The following PRKX variants were observed in gnomAD, a reference collection of about 807,000 sequenced individuals.
PRKX encodes the protein protein kinase cAMP-dependent X-linked catalytic subunit.
PRKX carries 12 observed loss-of-function variants against 22.0 expected under a neutral mutation model. The observed-to-expected ratio is 0.54, with a 90% confidence interval of 0.35 to 0.88. The LOEUF (loss-of-function observed/expected upper bound fraction) is 0.88, where lower values mean the gene tolerates loss of function less well. Ranked by LOEUF, PRKX falls within the 40% of genes least tolerant of loss-of-function variation. The pLI, the probability that PRKX is intolerant of heterozygous loss-of-function variation, is 0.01. For missense variants in PRKX, 217 were observed against 308.0 expected (o/e 0.70, Z 2.21); for synonymous variants, 134 against 137.7 (o/e 0.97, Z 0.19).
At chrX:3,666,284 A>G (rs2074905158) in intron 2 of PRKX, among the ~76,000 whole-genome samples, 1 of 107,682 alleles carries the variant, frequency 9.3e-6, no homozygotes, top group South Asian at 4.2e-4. Flanking sequence ...CCTCCCAAGT[A>G]GCTGAGGACT....
rs1021563384 is a variant in PRKX at position 3,693,665 on chromosome X, C to T, written c.167-18899G>A. On this transcript the variant is annotated intron_variant, in intron 1 of 8. Coordinates refer to ENST00000262848, the MANE Select transcript of PRKX (RefSeq NM_005044.5). The stretch of plus-strand genomic sequence containing the variant: ...AAAATAGGGTTTTTGAGGCCGGGCG[C>T]GGTGGCTCACGCCTGTAATCCCAGC... 6.5e-4 allele frequency among the ~76,000 whole-genome samples: 72 copies of T among 110,878 alleles called. 1 individual carries two copies. Among genetic ancestry groups the T allele is most frequent in the African/African-American group, 1.7e-3 (52 of 30,494 alleles).
At chrX:3,702,078 A>G (rs1362160337) in intron 1 of PRKX, among the ~76,000 whole-genome samples, 1 of 111,917 alleles carries the variant, frequency 8.9e-6, no homozygotes, top group Non-Finnish European at 1.9e-5. Context: ...TTTCTTGCAC[A>G]AGATCCAAGA....
chrX:3,617,105 C>G (rs1373506114), intron 6 of PRKX, among the ~76,000 whole-genome samples: 1 of 108,148 alleles, frequency 9.2e-6, no homozygotes, highest in African/African-American at 3.4e-5. Context: ...TACTTATACA[C>G]ATATACACGT....
At chrX:3,696,468 C>T (rs1928444343) in intron 1 of PRKX, among the ~76,000 whole-genome samples, 1 of 112,249 alleles carries the variant, frequency 8.9e-6, no homozygotes, top group Non-Finnish European at 1.9e-5. Flanking sequence ...TAGCCTACAA[C>T]TGGGCAAAAT....
chrX:3,640,959 C>T (rs1480806698), intron 4 of PRKX, among the ~76,000 whole-genome samples: 2 of 111,398 alleles, frequency 1.8e-5, no homozygotes, highest in Non-Finnish European at 3.8e-5. Flanking sequence ...ATGACAAGGT[C>T]AGGATGTTAC....
intron 1 of PRKX, among the ~76,000 whole-genome samples, chrX:3,712,496 G>T (rs1182554249): frequency 8.9e-6 from 1 of 112,267 alleles, no homozygotes; most frequent in Admixed American, 9.4e-5. Flanking sequence ...CCATTTCAGA[G>T]GCACAAGACG....
chrX:3,617,593 C>G (rs1926457010), intron 6 of PRKX, among the ~76,000 whole-genome samples: 1 of 110,410 alleles, frequency 9.1e-6, no homozygotes, highest in Non-Finnish European at 1.9e-5. Context: ...CTGCAGTGAG[C>G]TGTGATCGCA....
intron 5 of PRKX, among the ~76,000 whole-genome samples, chrX:3,623,738 A>G (rs1351101565): frequency 9.0e-6 from 1 of 110,890 alleles, no homozygotes; most frequent in Non-Finnish European, 1.9e-5. Context: ...CACTCTTTTG[A>G]TGCACTGTAG....
Position 3,612,262 on chromosome X carries a change from T to G in PRKX, c.1015A>C (p.Asn339His). The change falls in exon 8 of 9, where the codon AAT becomes CAT. Residue 339 changes from asparagine to histidine, a missense_variant. By Grantham distance (68) the Asn-to-His change is moderately conservative. Coordinates refer to ENST00000262848, the MANE Select transcript of PRKX (RefSeq NM_005044.5). ...DTSNFETYPENDWDTAAPVPQ... is the reference protein window; with the variant it reads ...DTSNFETYPEHDWDTAAPVPQ... ...ACGGGCGCGGCTGTGTCCCAGTCATTCTCAGGGTAAGTTTCGAAGTTGGAA... is the reference window on the plus strand; with the variant it reads ...ACGGGCGCGGCTGTGTCCCAGTCATGCTCAGGGTAAGTTTCGAAGTTGGAA... 8.3e-7 allele frequency: 1 copy of G among 1,210,877 alleles called. No individual in the cohort carries two copies. Among genetic ancestry groups the G allele is most frequent in the Non-Finnish European group, 1.1e-6 (1 of 895,226 alleles).
intron 1 of PRKX, among the ~76,000 whole-genome samples, chrX:3,680,594 G>T (rs6641601): frequency 0.12 from 13,137 of 112,068 alleles, 821 homozygotes; most frequent in East Asian, 0.41. Flanking sequence ...ATGTGTAACT[G>T]TAAACATACA....
intron 6 of PRKX, among the ~76,000 whole-genome samples, chrX:3,617,963 G>A (rs1294114690): frequency 9.3e-6 from 1 of 106,962 alleles, no homozygotes; most frequent in Non-Finnish European, 1.9e-5. Context: ...TGGGGGGGCG[G>A]GGCAATGGAC....
At position 3,713,192 on chromosome X, in the gene PRKX, T is replaced by C. The variant is rs1470074155; in HGVS notation, c.62A>G (p.Glu21Gly). Reference protein sequence around the residue: ...AAESDSRKVAEETPDGAPALC... With the variant: ...AAESDSRKVAGETPDGAPALC... The stretch of plus-strand genomic sequence containing the variant: ...CGCGGGCGCCCCGTCGGGGGTCTCC[T>C]CCGCCACCTTGCGGGAGTCGCTCTC... Residue 21 changes from glutamate to glycine, a missense_variant, in exon 1 of 9, where the codon GAG becomes GGG. Transcript: ENST00000262848. 5.4e-6 allele frequency: 6 copies of C among 1,102,346 alleles called. No individual in the cohort carries two copies. The African/African-American group carries it at 7.8e-5, about 14-fold the overall frequency. The allele number at this position is 1,102,346 out of a possible 1,213,427, so 90.8% of individuals were successfully genotyped here.
intron 8 of PRKX, among the ~76,000 whole-genome samples, chrX:3,609,310 G>A (rs1404541469): frequency 6.3e-5 from 7 of 110,923 alleles, no homozygotes; most frequent in South Asian, 3.8e-4. Context: ...ACAGGTGCCC[G>A]CCACCACGCC....
intron 3 of PRKX, among the ~76,000 whole-genome samples, chrX:3,653,235 G>A (rs1412935840): frequency 9.1e-6 from 1 of 110,453 alleles, no homozygotes; most frequent in African/African-American, 3.3e-5. Flanking sequence ...TTACAAAAGG[G>A]GCCCCAGAGA....
intron 2 of PRKX, among the ~76,000 whole-genome samples, chrX:3,660,132 G>A (rs1027863093): frequency 8.9e-6 from 1 of 112,190 alleles, no homozygotes; most frequent in Non-Finnish European, 1.9e-5. Context: ...TTGTGGATGA[G>A]CTTAGAAGAC....
chrX:3,643,004 CAAAAAAAAAAA>C (rs60090711), intron 3 of PRKX, among the ~76,000 whole-genome samples: 1 of 27,560 alleles, frequency 3.6e-5, no homozygotes. Flanking sequence ...GACTCTCTCT[CAAAAAAAAAAA>C]AAAAAAAAAA....
chrX:3,666,069 G>A (rs183323189), intron 2 of PRKX, among the ~76,000 whole-genome samples: 83 of 107,833 alleles, frequency 7.7e-4, no homozygotes, highest in African/African-American at 2.6e-3. Context: ...AGAGTGCAGC[G>A]ACACAATCTC....
At position 3,605,059 on chromosome X, in the gene PRKX, A is replaced by ACACACACACACACC. The variant is rs1375814188; in HGVS notation, c.*3909_*3910insGGTGTGTGTGTGTG. 1.2e-5 allele frequency: 1 copy of ACACACACACACACC among 80,722 alleles called. No homozygotes were observed. The highest frequency in any genetic ancestry group is 4.4e-5 in the African/African-American group (1 of 22,477). 6.7% of individuals were successfully genotyped at this position (80,722 alleles called of 1,213,427 possible). ...CACACACACACACACACACACACAC[A>ACACACACACACACC]CCCCGCAAAGAAACTATCCAAATGC... On this transcript the variant is annotated 3_prime_UTR_variant, in exon 9 of 9. Transcript: ENST00000262848.
At chrX:3,648,098 A>T (rs1174579048) in intron 3 of PRKX, among the ~76,000 whole-genome samples, 1 of 112,128 alleles carries the variant, frequency 8.9e-6, no homozygotes, top group Non-Finnish European at 1.9e-5. Context: ...GCACAGACAG[A>T]GCTCCTGGCC....
Sources: allele counts gnomAD v4.1 joint callset (sites outside exome capture counted in the v4.1 genomes callset), GRCh38; gene constraint gnomAD v4.1.1; transcripts MANE v1.5; gene names NCBI Gene and HGNC (gene_info 2026-07-23, HGNC 2026-07-21).